KCNU1: variants seen among roughly 807,000 people sequenced by gnomAD.
The protein encoded by KCNU1 is potassium channel subfamily U member 1.
A neutral mutation model predicts 126.8 loss-of-function variants in KCNU1; 93 were observed. The observed-to-expected ratio is 0.73, with a 90% CI of 0.62 to 0.87. KCNU1 has a LOEUF of 0.87. KCNU1 is among the 40% of genes least tolerant of loss of function. The pLI is 0.00. For missense variants in KCNU1, 1,330 were observed against 1,367.1 expected, an observed-to-expected ratio of 0.97 and a Z score of 0.43; for synonymous variants, 523 against 494.2, an observed-to-expected ratio of 1.06 and a Z score of -0.77.
rs538413848 is a variant in KCNU1, at chr8:36,844,594, C to G, written c.1704-986C>G. Among the ~76,000 whole-genome samples the G allele has an allele frequency of 3.1e-4, 47 of 152,278 alleles. 1 individual carries two copies. The South Asian group carries it at 5.6e-3, about 18-fold the overall frequency. On this transcript the variant is annotated intron_variant, in intron 16 of 26. Transcript: ENST00000399881. Reference sequence around the variant, plus strand: ...ATCTACCTGAACACAGCTATATAGCCTGGGTCTATTCTTGGCATAAGGCTG... The same window carrying G: ...ATCTACCTGAACACAGCTATATAGCGTGGGTCTATTCTTGGCATAAGGCTG...
intron 1 of KCNU1, among the ~76,000 whole-genome samples, chr8:36,785,192 C>A (rs1802670888): frequency 6.6e-6 from 1 of 152,122 alleles, no homozygotes. Flanking sequence ...TGTTGAATAA[C>A]AGCTGGCAAA....
rs772507751 is a variant in KCNU1 at position 36,932,992 on chromosome 8, C to A, written c.3004C>A (p.Arg1002=). 3 of 1,569,642 alleles carry A rather than the reference C, an allele frequency of 1.9e-6. No homozygotes were observed. Among genetic ancestry groups the A allele is most frequent in the African/African-American group, 2.7e-5 (2 of 74,078 alleles). Residue 1002 remains arginine, a synonymous_variant, in exon 26 of 27, where the codon CGA becomes AGA. Coordinates refer to ENST00000399881, the MANE Select transcript of KCNU1 (RefSeq NM_001031836.3). ...TGGAATCCTGTGTGTTGGCTTATAC[C>A]GAATAATTGATGAAGAGGAGCTCAA... The part of the protein sequence containing the change: ...LFGILCVGLY[R]IIDEEELNPE...
intron 19 of KCNU1, among the ~76,000 whole-genome samples, chr8:36,884,360 C>T (rs750354706): frequency 7.2e-5 from 11 of 152,024 alleles, no homozygotes; most frequent in Non-Finnish European, 1.5e-4. Context: ...CATAATGACC[C>T]GTGAAGCAAA....
intron 3 of KCNU1, among the ~76,000 whole-genome samples, chr8:36,804,360 C>G (rs1375437458): frequency 6.6e-6 from 1 of 152,202 alleles, no homozygotes; most frequent in Non-Finnish European, 1.5e-5. Context: ...TCTGGAGTCT[C>G]TGGGACACCA....
At chr8:36,934,128 A>C (rs1019283804) in intron 26 of KCNU1, among the ~76,000 whole-genome samples, 3 of 152,112 alleles carry the variant, frequency 2.0e-5, no homozygotes, top group Admixed American at 6.6e-5. Context: ...ATTTATTGAA[A>C]TGTAACATTT....
chr8:36,848,783 G>A (rs919298697), intron 18 of KCNU1, among the ~76,000 whole-genome samples: 2 of 151,888 alleles, frequency 1.3e-5, no homozygotes, highest in Non-Finnish European at 2.9e-5. Context: ...ATATGAAAAG[G>A]GAAGCATCTC....
intron 19 of KCNU1, among the ~76,000 whole-genome samples, chr8:36,875,239 G>A (rs2117377591): frequency 6.6e-6 from 1 of 151,550 alleles, no homozygotes; most frequent in Admixed American, 6.6e-5. Context: ...ACTCTTTAGG[G>A]AAAGATTTTG....
chr8:36,840,806 A>G (rs1443111223), intron 15 of KCNU1, 126 bp from the exon 16 acceptor site: 1 of 739,930 alleles, frequency 1.4e-6, no homozygotes. Context: ...ACAAGGGATC[A>G]TTCCACATTG....
At chr8:36,815,749 T>C in intron 9 of KCNU1, 62 bp downstream of exon 9, 1 of 941,244 alleles carries the variant, frequency 1.1e-6, no homozygotes, top group Admixed American at 2.3e-5. Context: ...ATATATCTCG[T>C]TCTAGACATC....
intron 18 of KCNU1, among the ~76,000 whole-genome samples, chr8:36,856,925 G>C (rs1365065370): frequency 5.9e-5 from 9 of 152,182 alleles, no homozygotes; most frequent in African/African-American, 1.9e-4. Context: ...AATCACTGTT[G>C]TCAAAAAGCA....
intron 19 of KCNU1, among the ~76,000 whole-genome samples, chr8:36,880,923 T>G (rs189348589): frequency 2.0e-5 from 3 of 152,156 alleles, no homozygotes; most frequent in Admixed American, 2.0e-4. Context: ...AACATCCTGT[T>G]GTTGGGCTTG....
chr8:36,880,649 G>A (rs748727352), intron 19 of KCNU1, among the ~76,000 whole-genome samples: 1 of 152,070 alleles, frequency 6.6e-6, no homozygotes, highest in Non-Finnish European at 1.5e-5. Context: ...CCAGCTGGTT[G>A]GAATCCCTGA....
intron 18 of KCNU1, among the ~76,000 whole-genome samples, chr8:36,855,323 T>C (rs1337047533): frequency 2.0e-5 from 3 of 152,148 alleles, no homozygotes; most frequent in African/African-American, 7.2e-5. Context: ...ACATGTGACG[T>C]TAATATATTT....
At position 36,935,610 on chromosome 8, in the gene KCNU1, A is replaced by C; in HGVS notation, c.3140A>C (p.Asn1047Thr). Residue 1047 changes from asparagine (N) to threonine (T), a missense_variant, in exon 27 of 27, where the codon AAT becomes ACT. Coordinates refer to ENST00000399881, the MANE Select transcript of KCNU1 (RefSeq NM_001031836.3). ...IPFSTACYKR[N>T]EEFSLQKSYE... ...TTCAGCACTGCTTGTTATAAAAGGAATGAAGAGTTCTCATTGCAAAAGTCA... is the reference window on the plus strand; with the variant it reads ...TTCAGCACTGCTTGTTATAAAAGGACTGAAGAGTTCTCATTGCAAAAGTCA... 1 of 1,613,330 alleles carries C rather than the reference A, an allele frequency of 6.2e-7. No individual in the cohort carries two copies. The highest frequency in any genetic ancestry group is 8.5e-7 in the Non-Finnish European group (1 of 1,179,436).
Position 36,808,788 on chromosome 8 carries a change from C to A in KCNU1, c.727C>A (p.His243Asn). 6.2e-7 allele frequency: 1 copy of A among 1,608,522 alleles called. No homozygotes were observed. Among genetic ancestry groups the A allele is most frequent in the East Asian group, 2.2e-5 (1 of 44,694 alleles). ...STWFTAAGFI[H>N]LVENSGDPWL... ...CTGGTTCACAGCTGCGGGATTCATT[C>A]ACCTGGTAAGCATCTCATCACAATC... The change falls in exon 7 of 27, where the codon CAC becomes AAC. Residue 243 changes from histidine to asparagine, a missense_variant. Physicochemically the swap from His to Asn is moderately conservative, Grantham distance 68. Around this residue, in one of 3 missense-constraint regions of KCNU1, gnomAD observed 29 missense variants for 57.8 expected, o/e 0.50. Coordinates refer to ENST00000399881, the MANE Select transcript of KCNU1 (RefSeq NM_001031836.3).
At chr8:36,807,350 C>G in intron 5 of KCNU1, 25 bp from the exon 6 acceptor site, 1 of 1,592,074 alleles carries the variant, frequency 6.3e-7, no homozygotes, top group Non-Finnish European at 8.6e-7. Context: ...ATTTTGGCAG[C>G]TTTCTCCTTT....
chr8:36,794,409 A>C (rs28669204), intron 2 of KCNU1, among the ~76,000 whole-genome samples: 37,083 of 151,922 alleles, frequency 0.24, 5,445 homozygotes, highest in African/African-American at 0.4. Context: ...TATATATATA[A>C]CTCAGTGTGT....
At chr8:36,842,817 T>A (rs1213568302) in intron 16 of KCNU1, among the ~76,000 whole-genome samples, 1 of 152,134 alleles carries the variant, frequency 6.6e-6, no homozygotes, top group Non-Finnish European at 1.5e-5. Context: ...ATTACAGGTG[T>A]GTGCACCACA....
At chr8:36,823,344 T>C (rs997058623) in intron 10 of KCNU1, among the ~76,000 whole-genome samples, 1 of 152,170 alleles carries the variant, frequency 6.6e-6, no homozygotes. Flanking sequence ...TTTCTTCAAA[T>C]TTTAAGTCTA....
Sources: gnomAD v4.1 joint callset for allele counts (sites outside exome capture counted in the v4.1 genomes callset) on GRCh38, gnomAD v4.1.1 for gene constraint, gnomAD v4.1.1 regional missense constraint, MANE v1.5 for transcripts, NCBI Gene and HGNC (gene_info 2026-07-23, HGNC 2026-07-21) for gene names.